HMCN1: variants seen among roughly 807,000 people sequenced by gnomAD.
HMCN1 encodes hemicentin 1.
HMCN1 carries 321 observed loss-of-function variants against 625.9 expected under a neutral mutation model. The ratio of observed to expected loss-of-function variants is 0.51; its 90% CI spans 0.47 to 0.56. The LOEUF (loss-of-function observed/expected upper bound fraction) is 0.56, where lower values mean the gene tolerates loss of function less well. Ranked by LOEUF, HMCN1 falls within the 20% of genes least tolerant of loss-of-function variation. HMCN1 has a pLI of 0.00. For missense variants in HMCN1, 6,588 were observed against 6,887.3 expected, an observed-to-expected ratio of 0.96 and a Z score of 1.54; for synonymous variants, 2,425 against 2,417.6, an observed-to-expected ratio of 1.00 and a Z score of -0.09.
rs137853915 is a variant in HMCN1, at chr1:186,019,552, A to G, written c.5482A>G (p.Ile1828Val). The change falls in exon 35 of 107, where the codon ATC becomes GTC. Residue 1828 changes from isoleucine to valine, a missense_variant. By Grantham distance (29) the Ile-to-Val change is conservative (BLOSUM62 3). Around this residue, in one of 3 missense-constraint regions of HMCN1, gnomAD observed 4,628 missense variants for 4,853.1 expected, o/e 0.95. Transcript: ENST00000271588. The part of the protein sequence containing the change: ...FEVTVHVPPT[I>V]KSSGLSERVV... Reference sequence around the variant, plus strand: ...TTCCTTAAATATAGTTCCTCCAACAATCAAGTCCTCAGGCCTTTCTGAGAG... The same window carrying G: ...TTCCTTAAATATAGTTCCTCCAACAGTCAAGTCCTCAGGCCTTTCTGAGAG... 3.5e-4 allele frequency: 569 copies of G among 1,610,206 alleles called. 4 individuals are homozygous for G. Among genetic ancestry groups the G allele is most frequent in the South Asian group, 3.5e-3 (321 of 91,012 alleles).
chr1:186,144,430 C>G (rs1250534091), intron 90 of HMCN1, 87 bp downstream of exon 90: 26 of 1,602,410 alleles, frequency 1.6e-5, no homozygotes, highest in Non-Finnish European at 1.9e-5. Flanking sequence ...CTATCCCATT[C>G]TAACTGTGCC....
chr1:186,158,913 A>C (rs541861292), intron 97 of HMCN1, among the ~76,000 whole-genome samples: 1 of 152,328 alleles, frequency 6.6e-6, no homozygotes, highest in East Asian at 1.9e-4. Context: ...TGACTTGGCA[A>C]TGCAGGCTCT....
chr1:186,045,790 C>T lies in HMCN1; in HGVS notation c.6407C>T (p.Thr2136Ile). Residue 2136 changes from threonine to isoleucine, a missense_variant, in exon 41 of 107, where the codon ACT becomes ATT. Coordinates refer to ENST00000271588, the MANE Select transcript of HMCN1 (RefSeq NM_031935.3). The stretch of plus-strand genomic sequence containing the variant: ...GATGCTATTCCCCCACCTACTCTTA[C>T]TTGGTTAAAAGACGGCCACCCCTTG... ...QSDAIPPPTL[T>I]WLKDGHPLLK... 6.2e-7 allele frequency: 1 copy of T among 1,613,024 alleles called. No homozygotes were observed.
At chr1:185,954,657 G>A (rs75008985) in intron 11 of HMCN1, among the ~76,000 whole-genome samples, 176 of 152,220 alleles carry the variant, frequency 1.2e-3, no homozygotes, top group African/African-American at 4.0e-3. Flanking sequence ...TGACAGCTAT[G>A]GAGATAAAAA....
chr1:186,093,614 CT>C lies in HMCN1; in HGVS notation c.10143del (p.Pro3382LeufsTer20). ...PPQINWLKNG[L>X]PLPLSSHIRL... ...ACAGATAAACTGGCTGAAGAATGGA[CT>C]TCCTCTGCCTCTCTCCTCCCATATC... On this transcript the variant is annotated frameshift_variant, in exon 66 of 107. Transcript: ENST00000271588. LOFTEE classifies it high-confidence loss of function. The C allele has an allele frequency of 6.2e-7, 1 of 1,613,458 alleles. No homozygotes were observed. The highest frequency in any genetic ancestry group is 8.5e-7 in the Non-Finnish European group (1 of 1,179,634).
chr1:185,890,435 C>A (rs1664990558), intron 4 of HMCN1, among the ~76,000 whole-genome samples: 2 of 146,164 alleles, frequency 1.4e-5, no homozygotes, highest in African/African-American at 5.5e-5. Flanking sequence ...CCTGCTTTCT[C>A]TTGTGGGCAT....
intron 74 of HMCN1, 119 bp downstream of exon 74, chr1:186,115,065 T>TA: frequency 6.8e-7 from 1 of 1,471,248 alleles, no homozygotes; most frequent in East Asian, 2.3e-5. Context: ...TACATTATGG[T>TA]ATGAATAGCA....
intron 106 of HMCN1, among the ~76,000 whole-genome samples, chr1:186,188,867 T>A (rs1653526163): frequency 6.6e-6 from 1 of 152,174 alleles, no homozygotes; most frequent in African/African-American, 2.4e-5. Flanking sequence ...AAGAATCCTA[T>A]CTTCATAAAA....
At chr1:186,075,524 C>T (rs968333460) in intron 53 of HMCN1, among the ~76,000 whole-genome samples, 1 of 152,068 alleles carries the variant, frequency 6.6e-6, no homozygotes, top group Non-Finnish European at 1.5e-5. Flanking sequence ...TCATTTGTAA[C>T]ATGACTGTCT....
chr1:185,864,658 G>T, intron 3 of HMCN1, 30 bp downstream of exon 3: 3 of 1,609,074 alleles, frequency 1.9e-6, no homozygotes, highest in Non-Finnish European at 2.6e-6. Flanking sequence ...AAACGTCTCT[G>T]TCTAAATGCA....
At chr1:185,737,305 C>A (rs1299369109) in intron 1 of HMCN1, among the ~76,000 whole-genome samples, 2 of 152,102 alleles carry the variant, frequency 1.3e-5, no homozygotes, top group Non-Finnish European at 2.9e-5. Flanking sequence ...CAGGCACATG[C>A]CACATCTGAC....
intron 1 of HMCN1, among the ~76,000 whole-genome samples, chr1:185,820,700 A>G (rs924034547): frequency 6.6e-6 from 1 of 152,178 alleles, no homozygotes; most frequent in African/African-American, 2.4e-5. Flanking sequence ...TATGATTAAA[A>G]TCAAGCTGAA....
intron 10 of HMCN1, among the ~76,000 whole-genome samples, chr1:185,929,119 C>G (rs1447625717): frequency 6.6e-6 from 1 of 152,062 alleles, no homozygotes; most frequent in Admixed American, 6.6e-5. Context: ...AGTGAAGGAT[C>G]TATTCTAATC....
At chr1:185,934,039 G>A (rs1391752812) in intron 11 of HMCN1, among the ~76,000 whole-genome samples, 1 of 152,080 alleles carries the variant, frequency 6.6e-6, no homozygotes, top group Non-Finnish European at 1.5e-5. Context: ...TACAATCACA[G>A]CTAATCATAG....
chr1:185,973,920 T>G (rs1036161948), intron 15 of HMCN1, among the ~76,000 whole-genome samples: 2 of 152,180 alleles, frequency 1.3e-5, no homozygotes, highest in South Asian at 2.1e-4. Flanking sequence ...CCAGTCATTT[T>G]AGGAAAGAAA....
At chr1:185,924,163 T>G (rs1667144316) in intron 8 of HMCN1, among the ~76,000 whole-genome samples, 1 of 151,190 alleles carries the variant, frequency 6.6e-6, no homozygotes, top group Non-Finnish European at 1.5e-5. Flanking sequence ...GCATTTCAGC[T>G]TAGCTGTACT....
In HMCN1 at chr1:185,839,892, T is replaced by G. The variant is rs185965326; in HGVS notation, c.269-6134T>G. Among the ~76,000 whole-genome samples the G allele has an allele frequency of 3.3e-3, 504 of 152,324 alleles. 1 individual carries two copies. Among genetic ancestry groups the G allele is most frequent in the African/African-American group, 0.012 (480 of 41,570 alleles). ...TAATCTCTTTGGAAGTGGAACAGAA[T>G]GCTATTTAAGCCATATTAGATAATA... On this transcript the variant is annotated intron_variant, in intron 1 of 106. Transcript: ENST00000271588.
At chr1:186,081,441 C>A in intron 56 of HMCN1, 47 bp downstream of exon 56, 1 of 1,354,648 alleles carries the variant, frequency 7.4e-7, no homozygotes, top group Non-Finnish European at 1.1e-6. Flanking sequence ...TTTGACTTTG[C>A]ACTTTGTAAT....
intron 1 of HMCN1, among the ~76,000 whole-genome samples, chr1:185,779,318 T>C (rs1048418216): frequency 2.6e-5 from 4 of 152,222 alleles, no homozygotes; most frequent in African/African-American, 9.6e-5. Context: ...CTGATGGTAG[T>C]TTCTTTTGCT....
Sources: gnomAD v4.1 joint callset for allele counts (sites outside exome capture counted in the v4.1 genomes callset) on GRCh38, gnomAD v4.1.1 for gene constraint, gnomAD v4.1.1 regional missense constraint, MANE v1.5 for transcripts, NCBI Gene and HGNC (gene_info 2026-07-23, HGNC 2026-07-21) for gene names.